KANSL1: variants seen among roughly 807,000 people sequenced by gnomAD.
KANSL1 encodes MLL1/MLL complex subunit KANSL1.
A neutral mutation model predicts 103.6 loss-of-function variants in KANSL1; 22 were observed. The observed-to-expected ratio is 0.21, with a 90% CI of 0.15 to 0.30. The LOEUF (loss-of-function observed/expected upper bound fraction) is 0.30. Ranked by LOEUF, KANSL1 falls within the 10% of genes least tolerant of loss-of-function variation. The pLI is 1.00. For missense variants in KANSL1, 1,337 were observed against 1,399.8 expected (o/e 0.96, Z 0.72); for synonymous variants, 600 against 527.6 (o/e 1.14, Z -1.88).
chr17:46,103,985 G>A (rs1368715194), intron 2 of KANSL1, among the ~76,000 whole-genome samples: 13 of 152,286 alleles, frequency 8.5e-5, no homozygotes, highest in South Asian at 6.2e-4. Flanking sequence ...CCAAGATCAC[G>A]CCACTGCACT....
intron 1 of KANSL1, among the ~76,000 whole-genome samples, chr17:46,175,090 A>G (rs1460153253): frequency 6.6e-6 from 1 of 152,144 alleles, no homozygotes; most frequent in Non-Finnish European, 1.5e-5. Flanking sequence ...TGGACTAAGC[A>G]CCCCCCTCCC....
chr17:46,163,549 C>A (rs561861373), intron 2 of KANSL1, among the ~76,000 whole-genome samples: 1 of 152,276 alleles, frequency 6.6e-6, no homozygotes, highest in South Asian at 2.1e-4. Context: ...TTAACACTTG[C>A]TGGAACTTGT....
chr17:46,063,862 C>G (rs990054451), intron 6 of KANSL1, among the ~76,000 whole-genome samples: 2 of 148,230 alleles, frequency 1.3e-5, no homozygotes, highest in Non-Finnish European at 3.0e-5. Flanking sequence ...ACTGCCAAAA[C>G]AGAGGAAGGG....
chr17:46,101,144 A>G (rs2042296520), intron 2 of KANSL1, among the ~76,000 whole-genome samples: 1 of 152,172 alleles, frequency 6.6e-6, no homozygotes, highest in South Asian at 2.1e-4. Context: ...AGAGCGTACA[A>G]TTGCCAGATT....
intron 2 of KANSL1, among the ~76,000 whole-genome samples, chr17:46,112,144 A>G (rs995619194): frequency 1.3e-5 from 2 of 152,134 alleles, no homozygotes; most frequent in African/African-American, 2.4e-5. Flanking sequence ...AGGTGGGTGG[A>G]TTGCCTGAGG....
At chr17:46,045,093 A>C (rs1395472893) in intron 7 of KANSL1, 1 of 152,110 alleles carries the variant, frequency 6.6e-6, no homozygotes, top group Admixed American at 6.6e-5. Flanking sequence ...CAGTAGTAAA[A>C]TCTACCACAC....
At chr17:46,127,761 G>A (rs2043644885) in intron 2 of KANSL1, among the ~76,000 whole-genome samples, 1 of 149,990 alleles carries the variant, frequency 6.7e-6, no homozygotes, top group Non-Finnish European at 1.5e-5. Flanking sequence ...CTGGGCAACA[G>A]AGCCAGACCC....
chr17:46,051,531 T>A (rs2077711350), intron 6 of KANSL1, among the ~76,000 whole-genome samples: 1 of 152,202 alleles, frequency 6.6e-6, no homozygotes, highest in Non-Finnish European at 1.5e-5. Context: ...CATCTACAAT[T>A]TTATACTTTG....
intron 1 of KANSL1, among the ~76,000 whole-genome samples, chr17:46,183,166 G>A (rs1256458136): frequency 6.6e-6 from 1 of 152,190 alleles, no homozygotes; most frequent in Admixed American, 6.5e-5. Context: ...AGTGGCAGGC[G>A]CCTGTATTTC....
At chr17:46,091,567 T>C (rs2079388994) in intron 3 of KANSL1, among the ~76,000 whole-genome samples, 1 of 152,196 alleles carries the variant, frequency 6.6e-6, no homozygotes, top group African/African-American at 2.4e-5. Context: ...GCAAGCTCCA[T>C]TCATGGTAAG....
At chr17:46,218,267 G>C (rs191685667) in intron 1 of KANSL1, among the ~76,000 whole-genome samples, 2 of 152,216 alleles carry the variant, frequency 1.3e-5, no homozygotes, top group African/African-American at 4.8e-5. Flanking sequence ...AAGAAAATTC[G>C]CAGCTCAGGT....
chr17:46,188,768 C>CAA (rs2047154075), intron 1 of KANSL1, among the ~76,000 whole-genome samples: 1 of 152,014 alleles, frequency 6.6e-6, no homozygotes, highest in African/African-American at 2.4e-5. Flanking sequence ...CGGTGGCTCA[C>CAA]GCTTATAATC....
intron 4 of KANSL1, among the ~76,000 whole-genome samples, 175 bp from the exon 5 acceptor site, chr17:46,067,842 G>A (rs2078436812): frequency 6.6e-6 from 1 of 152,174 alleles, no homozygotes; most frequent in Non-Finnish European, 1.5e-5. Context: ...AGGTATGATG[G>A]CTCGCAACTA....
chr17:46,140,530 A>C (rs1255593399), intron 2 of KANSL1, among the ~76,000 whole-genome samples: 1 of 102,474 alleles, frequency 9.8e-6, no homozygotes, highest in Non-Finnish European at 2.4e-5. Context: ...CAAAAGAAAC[A>C]AAAAAAAAAC....
chr17:46,163,019 C>CCAT (rs2045824466), intron 2 of KANSL1, among the ~76,000 whole-genome samples: 1 of 152,236 alleles, frequency 6.6e-6, no homozygotes. Flanking sequence ...AGAAGACTCA[C>CCAT]CATCACATCC....
chr17:46,063,126 G>A (rs771917772), intron 6 of KANSL1, among the ~76,000 whole-genome samples: 13 of 152,192 alleles, frequency 8.5e-5, no homozygotes, highest in Admixed American at 2.0e-4. Context: ...ATGCAGTAGA[G>A]ATCATTTAAG....
At chr17:46,068,008 T>TG (rs1244883417) in intron 4 of KANSL1, among the ~76,000 whole-genome samples, 4 of 151,964 alleles carry the variant, frequency 2.6e-5, no homozygotes, top group African/African-American at 7.3e-5. Flanking sequence ...GCTTTTGCTT[T>TG]GGGGGGAAGA....
At chr17:46,083,098 T>C (rs1304232695) in intron 3 of KANSL1, among the ~76,000 whole-genome samples, 1 of 152,134 alleles carries the variant, frequency 6.6e-6, no homozygotes, top group Non-Finnish European at 1.5e-5. Flanking sequence ...TCAGATTAAG[T>C]TCCTGCTTGA....
intron 1 of KANSL1, among the ~76,000 whole-genome samples, chr17:46,176,119 T>C (rs1413369813): frequency 6.6e-6 from 1 of 152,196 alleles, no homozygotes; most frequent in African/African-American, 2.4e-5. Context: ...ATACAACATG[T>C]GAAGAGTAAT....
Sources: gnomAD v4.1 joint callset for allele counts (sites outside exome capture counted in the v4.1 genomes callset) on GRCh38, gnomAD v4.1.1 for gene constraint, MANE v1.5 for transcripts, NCBI Gene and HGNC (gene_info 2026-07-23, HGNC 2026-07-21) for gene names.